The following TBRG4 variants were observed in gnomAD, a reference collection of about 807,000 sequenced individuals.
The protein encoded by TBRG4 is transforming growth factor beta regulator 4.
A neutral mutation model predicts 65.6 loss-of-function variants in TBRG4; 43 were observed. The observed-to-expected ratio is 0.66, with a 90% confidence interval of 0.51 to 0.85. The LOEUF is 0.85. Ranked by LOEUF, TBRG4 falls within the 40% of genes least tolerant of loss-of-function variation. The probability of loss-of-function intolerance (pLI) is 0.00; values close to 1 mark genes in which losing one functional copy is unlikely to be tolerated. For missense variants in TBRG4, 709 were observed against 787.9 expected (o/e 0.90, Z 1.20); for synonymous variants, 366 against 341.4 (o/e 1.07, Z -0.79).
intron 3 of TBRG4, chr7:45,105,093 AGCCAG>A (rs1784896943): frequency 1.5e-6 from 1 of 679,502 alleles, no homozygotes; most frequent in South Asian, 1.4e-5. Context: ...TCTAGCCAGA[AGCCAG>A]GCCTGGGCAG....
chr7:45,108,525 A>G (rs563700654), intron 2 of TBRG4, among the ~76,000 whole-genome samples: 2 of 152,364 alleles, frequency 1.3e-5, no homozygotes, highest in South Asian at 4.1e-4. Flanking sequence ...AGTCAAGACT[A>G]TATGGTGAGG....
chr7:45,106,061 AC>A (rs1423330832), intron 2 of TBRG4: 1 of 635,190 alleles, frequency 1.6e-6, no homozygotes, highest in Non-Finnish European at 3.0e-6. Context: ...GCCAGTGCCT[AC>A]CATAGACAGG....
chr7:45,105,306 G>A (rs936030584), intron 3 of TBRG4, 135 bp downstream of exon 3: 28 of 1,005,260 alleles, frequency 2.8e-5, no homozygotes, highest in Non-Finnish European at 4.0e-5. Flanking sequence ...TGATGCCTGA[G>A]GCTCCAGACA....
chr7:45,110,717 T>A (rs1785102317), intron 1 of TBRG4: 1 of 151,762 alleles, frequency 6.6e-6, no homozygotes, highest in African/African-American at 2.4e-5. Context: ...AGGGAAGACA[T>A]GCGACAAGGG....
rs1784840110 is a variant in TBRG4, at chr7:45,103,590, A to G, written c.1066-147T>C. The G allele has an allele frequency of 9.3e-6, 6 of 644,086 alleles. No individual in the cohort carries two copies. In the South Asian group the frequency reaches 1.1e-4, roughly 12 times the overall value. The allele number at this position is 644,086 out of a possible 1,614,324, so 39.9% of individuals were successfully genotyped here. Reference sequence around the variant, plus strand: ...CCAGGGCCCATGAGCTGTGTCGGGAACAGAGAAGGACTTACACAGGCCCAG... The same window carrying G: ...CCAGGGCCCATGAGCTGTGTCGGGAGCAGAGAAGGACTTACACAGGCCCAG... On this transcript the variant is annotated intron_variant, in intron 5 of 10. Transcript: ENST00000258770.
At chr7:45,110,147 T>G (rs1785084546) in intron 1 of TBRG4, among the ~76,000 whole-genome samples, 1 of 152,158 alleles carries the variant, frequency 6.6e-6, no homozygotes, top group African/African-American at 2.4e-5. Context: ...AAGCACTTCA[T>G]AACATGGCCC....
At chr7:45,111,460 G>T (rs1224967722) in intron 1 of TBRG4, 183 bp downstream of exon 1, 1 of 642,990 alleles carries the variant, frequency 1.6e-6, no homozygotes, top group Non-Finnish European at 2.3e-6. Context: ...GCGCGGGCTA[G>T]AGAGGAAGCG....
intron 8 of TBRG4, 40 bp from the exon 9 acceptor site, chr7:45,101,654 T>G: frequency 1.2e-6 from 2 of 1,605,480 alleles, no homozygotes; most frequent in Non-Finnish European, 1.7e-6. Context: ...TTGGGGGACA[T>G]CCCTCAGAAA....
chr7:45,102,731 T>C, intron 6 of TBRG4: 1 of 545,564 alleles, frequency 1.8e-6, no homozygotes, highest in Non-Finnish European at 3.2e-6. Flanking sequence ...AGAGTGCTGC[T>C]GAATGCTGGC....
Position 45,101,851 on chromosome 7 carries a change from A to G in TBRG4, c.1541T>C (p.Val514Ala), listed in dbSNP as rs1157520325. 1 of 1,607,094 alleles carries G rather than the reference A, an allele frequency of 6.2e-7. No homozygotes were observed. The highest frequency in any genetic ancestry group is 8.5e-7 in the Non-Finnish European group (1 of 1,179,322). ...CAGCACCCAGCCATACTGCGTGGCC[A>G]CCTCGAGGCTGCCCTTGTCGGCGCT... Reference protein sequence around the residue: ...LGSADKGSLEVATQYGWVLDA... With the variant: ...LGSADKGSLEAATQYGWVLDA... Residue 514 changes from valine (V) to alanine (A), a missense_variant, in exon 8 of 11, where the codon GTG becomes GCG. Val to Ala is a moderately conservative substitution (Grantham distance 64, BLOSUM62 0). Coordinates refer to ENST00000258770, the MANE Select transcript of TBRG4 (RefSeq NM_004749.4).
intron 6 of TBRG4, 22 bp from the exon 7 acceptor site, chr7:45,102,513 T>C (rs1490799228): frequency 6.2e-7 from 1 of 1,602,872 alleles, no homozygotes; most frequent in Admixed American, 1.7e-5. Flanking sequence ...TAGAGTGTGG[T>C]GGAGAAAGCA....
intron 10 of TBRG4, 121 bp from the exon 11 acceptor site, chr7:45,100,547 G>A: frequency 1.4e-6 from 1 of 735,926 alleles, no homozygotes; most frequent in South Asian, 1.7e-5. Flanking sequence ...CTGACCAACA[G>A]CTCTGCACAC....
At chr7:45,101,176 G>A (rs994082199) in intron 10 of TBRG4, 82 bp downstream of exon 10, 82 of 1,388,844 alleles carry the variant, frequency 5.9e-5, no homozygotes, top group Non-Finnish European at 7.8e-5. Context: ...TATACCTGCT[G>A]GCTCAGTTCC....
chr7:45,105,079 G>A (rs1355016933), intron 3 of TBRG4: 2 of 690,180 alleles, frequency 2.9e-6, no homozygotes, highest in South Asian at 1.4e-5. Flanking sequence ...ATCTCCAGGA[G>A]AGTTCTAGCC....
Position 45,105,687 on chromosome 7 carries a change from C to T in TBRG4, c.489G>A (p.Lys163=), listed in dbSNP as rs755109942. 5.0e-6 allele frequency: 8 copies of T among 1,614,076 alleles called. No homozygotes were observed. The highest frequency in any genetic ancestry group is 5.9e-6 in the Non-Finnish European group (7 of 1,180,042). ...LYALGIPKAS[K]ELQSVEQEVR... Reference sequence around the variant, plus strand: ...CCTCCTGCTCCACCGACTGCAGCTCCTTGGAGGCCTTGGGGATGCCCAGAG... The same window carrying T: ...CCTCCTGCTCCACCGACTGCAGCTCTTTGGAGGCCTTGGGGATGCCCAGAG... Residue 163 remains lysine, a synonymous_variant, in exon 3 of 11, where the codon AAG becomes AAA. Coordinates refer to ENST00000258770, the MANE Select transcript of TBRG4 (RefSeq NM_004749.4).
chr7:45,110,731 G>A (rs910137823), intron 1 of TBRG4: 3 of 152,064 alleles, frequency 2.0e-5, no homozygotes, highest in Admixed American at 6.5e-5. Context: ...ACAAGGGCAA[G>A]ATAAAACGTT....
At chr7:45,102,635 C>T (rs561360313) in intron 6 of TBRG4, 144 bp from the exon 7 acceptor site, 1 of 1,189,876 alleles carries the variant, frequency 8.4e-7, no homozygotes, top group Non-Finnish European at 1.2e-6. Context: ...AGGCAGAACC[C>T]TGGCCCTTGG....
chr7:45,105,139 T>A (rs1382152648), intron 3 of TBRG4: 1 of 647,632 alleles, frequency 1.5e-6, no homozygotes, highest in East Asian at 2.8e-5. Flanking sequence ...CTGCCTGCCA[T>A]GCCCCCCTCT....
Position 45,102,451 on chromosome 7 carries a change from G to A in TBRG4, c.1217C>T (p.Pro406Leu), listed in dbSNP as rs769861335. ...CCACACCAGGTCCACCTGCAGGGCTGGCTCCAGGCCTGGCAGCTCTGACCC... is the reference window on the plus strand; with the variant it reads ...CCACACCAGGTCCACCTGCAGGGCTAGCTCCAGGCCTGGCAGCTCTGACCC... The part of the protein sequence containing the change: ...KLGSELPGLE[P>L]ALQVDLVWAL... Residue 406 changes from proline to leucine, a missense_variant, in exon 7 of 11, where the codon CCA becomes CTA. Transcript: ENST00000258770. 6.2e-7 allele frequency: 1 copy of A among 1,613,198 alleles called. No homozygotes were observed. The highest frequency in any genetic ancestry group is 8.5e-7 in the Non-Finnish European group (1 of 1,180,000).
Sources: allele counts gnomAD v4.1 joint callset (sites outside exome capture counted in the v4.1 genomes callset), GRCh38; gene constraint gnomAD v4.1.1; transcripts MANE v1.5; gene names NCBI Gene and HGNC (gene_info 2026-07-23, HGNC 2026-07-21).